Variants in DLGAP1 observed in about 807,000 individuals in gnomAD.
DLGAP1 encodes the protein disks large-associated protein 1.
In DLGAP1, 11 loss-of-function variants were observed where a neutral mutation model predicts 90.8. The ratio of observed to expected loss-of-function variants is 0.12; its 90% CI spans 0.08 to 0.20. DLGAP1 has a LOEUF of 0.20. DLGAP1 is among the 10% of genes least tolerant of loss of function. DLGAP1 has a pLI of 1.00. For missense variants in DLGAP1, 1,050 were observed against 1,333.8 expected, an observed-to-expected ratio of 0.79 and a Z score of 3.31; for synonymous variants, 558 against 540.7, an observed-to-expected ratio of 1.03 and a Z score of -0.44.
At chr18:4,205,227 T>C (rs935260986) in intron 1 of DLGAP1, among the ~76,000 whole-genome samples, 2 of 151,746 alleles carry the variant, frequency 1.3e-5, no homozygotes, top group South Asian at 4.2e-4. Flanking sequence ...GGAGAAAGAG[T>C]AGTATCAGAA....
chr18:3,753,357 T>C (rs759692963), intron 5 of DLGAP1, among the ~76,000 whole-genome samples: 1 of 152,000 alleles, frequency 6.6e-6, no homozygotes, highest in Non-Finnish European at 1.5e-5. Flanking sequence ...GAAACCACCA[T>C]CTCCAGTGAA....
intron 3 of DLGAP1, among the ~76,000 whole-genome samples, chr18:3,910,010 C>A (rs1240751997): frequency 6.6e-6 from 1 of 151,636 alleles, no homozygotes; most frequent in Non-Finnish European, 1.5e-5. Flanking sequence ...ATGAGAAGTT[C>A]CTGAGAGTGT....
At chr18:4,343,655 C>CG (rs942238348) in intron 1 of DLGAP1, among the ~76,000 whole-genome samples, 1 of 148,924 alleles carries the variant, frequency 6.7e-6, no homozygotes, top group Non-Finnish European at 1.5e-5. Context: ...GTTGGGGGGT[C>CG]GGGGGCTAGG....
chr18:4,175,993 AT>A (rs1216877419), intron 1 of DLGAP1, among the ~76,000 whole-genome samples: 3 of 152,178 alleles, frequency 2.0e-5, no homozygotes, highest in Non-Finnish European at 4.4e-5. Flanking sequence ...TTGTAATAGT[AT>A]TTAATCTATA....
At position 4,388,592 on chromosome 18, in the gene DLGAP1, T is replaced by C. The variant is rs903285593; in HGVS notation, c.-267+66414A>G. 3.3e-5 allele frequency among the ~76,000 whole-genome samples: 5 copies of C among 151,732 alleles called. No individual in the cohort carries two copies. The South Asian group carries it at 1.0e-3, about 32-fold the overall frequency. On this transcript the variant is annotated intron_variant, in intron 1 of 12. Transcript: ENST00000315677. ...GAAATTGGTGAAGAAAAATAAGGAG[T>C]CATGTTGTACTGAAACTATTGCAGG... is the stretch of plus-strand genomic sequence containing the variant.
chr18:4,411,988 T>G (rs564477618), intron 1 of DLGAP1, among the ~76,000 whole-genome samples: 1 of 152,196 alleles, frequency 6.6e-6, no homozygotes, highest in Non-Finnish European at 1.5e-5. Context: ...GGATGCGACA[T>G]GCTTATATAG....
chr18:3,791,748 T>C (rs78475288), intron 5 of DLGAP1, among the ~76,000 whole-genome samples: 130 of 152,122 alleles, frequency 8.5e-4, no homozygotes, highest in African/African-American at 3.0e-3. Context: ...TGAAGCACAA[T>C]TGAAATAAGC....
At chr18:4,114,379 TGG>T (rs1187223961) in intron 2 of DLGAP1, among the ~76,000 whole-genome samples, 4 of 152,070 alleles carry the variant, frequency 2.6e-5, no homozygotes, top group Non-Finnish European at 1.5e-5. Flanking sequence ...CAATTGTAAA[TGG>T]GATTGCTTTC....
chr18:3,801,719 A>G (rs2066301478), intron 5 of DLGAP1, among the ~76,000 whole-genome samples: 1 of 152,202 alleles, frequency 6.6e-6, no homozygotes. Context: ...GGTTAAAATT[A>G]GATATATTTC....
At chr18:3,949,077 T>A (rs2072931402) in intron 3 of DLGAP1, among the ~76,000 whole-genome samples, 1 of 152,208 alleles carries the variant, frequency 6.6e-6, no homozygotes, top group African/African-American at 2.4e-5. Context: ...AAGAAAAGTT[T>A]AAGAAAAAGA....
chr18:3,796,722 T>A (rs745992476), intron 5 of DLGAP1, among the ~76,000 whole-genome samples: 1 of 152,210 alleles, frequency 6.6e-6, no homozygotes, highest in African/African-American at 2.4e-5. Context: ...CACCATGCTA[T>A]CAAAGCAAAT....
intron 9 of DLGAP1, among the ~76,000 whole-genome samples, chr18:3,545,532 T>C (rs539483433): frequency 6.6e-6 from 1 of 152,178 alleles, no homozygotes; most frequent in Non-Finnish European, 1.5e-5. Context: ...ACCAACTATA[T>C]ATTGCCTATG....
intron 3 of DLGAP1, among the ~76,000 whole-genome samples, chr18:3,890,459 T>C (rs1281699249): frequency 2.0e-5 from 3 of 152,184 alleles, no homozygotes; most frequent in Non-Finnish European, 4.4e-5. Context: ...AGATTTGTAA[T>C]TCCTCAAACA....
rs538150337 is a variant in DLGAP1 at position 3,809,376 on chromosome 18, T to A, written c.1172+4683A>T. Among the ~76,000 whole-genome samples the A allele has an allele frequency of 5.3e-5, 8 of 152,252 alleles. No individual in the cohort carries two copies. In the East Asian group the frequency reaches 1.2e-3, roughly 22 times the overall value. On this transcript the variant is annotated intron_variant, in intron 5 of 12. Coordinates refer to ENST00000315677, the MANE Select transcript of DLGAP1 (RefSeq NM_004746.4). ...GTATTTTTCCAAATTTAAATTTAAATTTTTCCAATTTATCTAAAACAAACA... is the reference window on the plus strand; with the variant it reads ...GTATTTTTCCAAATTTAAATTTAAAATTTTCCAATTTATCTAAAACAAACA...
At chr18:3,713,934 T>C (rs2061675493) in intron 7 of DLGAP1, among the ~76,000 whole-genome samples, 1 of 152,166 alleles carries the variant, frequency 6.6e-6, no homozygotes, top group African/African-American at 2.4e-5. Flanking sequence ...GTGGGGACAC[T>C]GTCAGGATTC....
chr18:4,194,594 T>G (rs1395211205), intron 1 of DLGAP1, among the ~76,000 whole-genome samples: 2 of 152,200 alleles, frequency 1.3e-5, no homozygotes, highest in African/African-American at 4.8e-5. Context: ...GTGTTTTTAT[T>G]TAATATTTCC....
At chr18:4,014,040 G>A (rs972877674) in intron 2 of DLGAP1, 2 of 151,032 alleles carry the variant, frequency 1.3e-5, no homozygotes, top group Non-Finnish European at 2.9e-5. Flanking sequence ...AATTTCAGGA[G>A]CATGTTTGTT....
At chr18:3,921,191 C>T (rs2072262184) in intron 3 of DLGAP1, among the ~76,000 whole-genome samples, 1 of 152,114 alleles carries the variant, frequency 6.6e-6, no homozygotes, top group Non-Finnish European at 1.5e-5. Context: ...TTTGTTCTAG[C>T]TTGGTCATTT....
chr18:4,275,599 G>GTT (rs3041148), intron 1 of DLGAP1, among the ~76,000 whole-genome samples: 152 of 149,406 alleles, frequency 1.0e-3, no homozygotes, highest in Middle Eastern at 6.8e-3. Context: ...GATTTTAGCT[G>GTT]TTTTTTTTTT....
Sources: gnomAD v4.1 joint callset for allele counts (sites outside exome capture counted in the v4.1 genomes callset) on GRCh38, gnomAD v4.1.1 for gene constraint, MANE v1.5 for transcripts, NCBI Gene and HGNC (gene_info 2026-07-23, HGNC 2026-07-21) for gene names.